The following AGBL1 variants were observed in gnomAD, a reference collection of about 807,000 sequenced individuals.
The protein encoded by AGBL1 is AGBL carboxypeptidase 1, also known as cytosolic carboxypeptidase 4.
AGBL1 carries 130 observed loss-of-function variants against 118.9 expected under a neutral mutation model. The observed-to-expected ratio is 1.09, with a 90% CI of 0.95 to 1.26. The LOEUF is 1.26. Ranked by LOEUF, AGBL1 falls within the 50% of genes most tolerant of loss-of-function variation. AGBL1 has a pLI of 0.00. For synonymous variants in AGBL1, 555 were observed against 478.9 expected, an observed-to-expected ratio of 1.16 and a Z score of -2.08; for missense variants, 1,584 against 1,298.1, an observed-to-expected ratio of 1.22 and a Z score of -3.38.
At chr15:86,215,219 GTA>G (rs202221703) in intron 5 of AGBL1, among the ~76,000 whole-genome samples, 1,121 of 104,640 alleles carry the variant, frequency 0.011, 17 homozygotes, top group African/African-American at 0.036. Context: ...GAGTGTATAT[GTA>G]TGCGTGTGTG....
intron 17 of AGBL1, among the ~76,000 whole-genome samples, chr15:86,387,804 G>A (rs1160902313): frequency 5.3e-5 from 8 of 152,160 alleles, no homozygotes; most frequent in South Asian, 2.1e-4. Flanking sequence ...TCTGTTCCCC[G>A]CTCTGCCAAT....
chr15:86,590,175 T>C (rs1471416885), intron 21 of AGBL1, among the ~76,000 whole-genome samples: 2 of 152,260 alleles, frequency 1.3e-5, no homozygotes, highest in East Asian at 3.9e-4. Context: ...ATAGGTTGTA[T>C]TGGTAAAACA....
intron 13 of AGBL1, among the ~76,000 whole-genome samples, chr15:86,269,691 T>C (rs927330057): frequency 6.6e-6 from 1 of 152,306 alleles, no homozygotes; most frequent in Middle Eastern, 3.4e-3. Flanking sequence ...AAATATGCGC[T>C]ATTGTGTAAT....
At chr15:86,516,100 A>T (rs2142187649) in intron 18 of AGBL1, among the ~76,000 whole-genome samples, 1 of 152,302 alleles carries the variant, frequency 6.6e-6, no homozygotes, top group African/African-American at 2.4e-5. Context: ...GTTCCATGTG[A>T]GAGGAAACTA....
chr15:86,602,047 T>G (rs2084503379), intron 21 of AGBL1, among the ~76,000 whole-genome samples: 3 of 152,104 alleles, frequency 2.0e-5, no homozygotes, highest in Non-Finnish European at 2.9e-5. Context: ...CCCTTCCTTC[T>G]TCTTTCCCTT....
chr15:86,966,511 T>C lies in AGBL1; in HGVS notation c.3222-21476T>C, dbSNP rs150541714. On this transcript the variant is annotated intron_variant, in intron 23 of 24. Transcript: ENST00000441037. Reference sequence around the variant, plus strand: ...CCACCACAGGCCCTAGTGTGTGATGTTCCCCTTCCTGTGTCCAAGTCTTCT... The same window carrying C: ...CCACCACAGGCCCTAGTGTGTGATGCTCCCCTTCCTGTGTCCAAGTCTTCT... 4.0e-3 allele frequency among the ~76,000 whole-genome samples: 607 copies of C among 152,152 alleles called. 3 individuals are homozygous for C. The highest frequency in any genetic ancestry group is 6.0e-3 in the Non-Finnish European group (407 of 67,972).
intron 24 of AGBL1, among the ~76,000 whole-genome samples, chr15:87,011,197 T>C (rs1330415067): frequency 3.3e-5 from 5 of 149,862 alleles, no homozygotes; most frequent in African/African-American, 1.3e-4. Flanking sequence ...GCCAGCTAGA[T>C]GATGTCAGGA....
chr15:86,580,638 C>A (rs947015699), intron 21 of AGBL1, among the ~76,000 whole-genome samples: 1 of 151,934 alleles, frequency 6.6e-6, no homozygotes, highest in Non-Finnish European at 1.5e-5. Flanking sequence ...TACATGTATA[C>A]AATGTATAAT....
At chr15:87,009,320 GC>G (rs34608515) in intron 24 of AGBL1, among the ~76,000 whole-genome samples, 3,023 of 152,294 alleles carry the variant, frequency 0.02, 60 homozygotes, top group Non-Finnish European at 0.028. Context: ...AAAGCCCCAA[GC>G]CTTGGCAGCT....
intron 15 of AGBL1, among the ~76,000 whole-genome samples, chr15:86,274,360 A>T (rs2079210783): frequency 2.6e-5 from 4 of 152,154 alleles, no homozygotes; most frequent in African/African-American, 9.7e-5. Context: ...TATTAAGGGT[A>T]GGGGTAGGCT....
chr15:86,109,404 A>G (rs1897233859), intron 1 of AGBL1, among the ~76,000 whole-genome samples: 2 of 152,180 alleles, frequency 1.3e-5, no homozygotes, highest in African/African-American at 2.4e-5. Flanking sequence ...GTGTTTTAAA[A>G]TTGACTTCCT....
chr15:86,834,275 T>C (rs1596533390), intron 22 of AGBL1, among the ~76,000 whole-genome samples: 1 of 152,198 alleles, frequency 6.6e-6, no homozygotes, highest in South Asian at 2.1e-4. Flanking sequence ...AGGGATAAAG[T>C]TCTGAGTCAC....
chr15:86,427,086 C>A (rs2081876422), intron 18 of AGBL1, among the ~76,000 whole-genome samples: 1 of 151,968 alleles, frequency 6.6e-6, no homozygotes, highest in Non-Finnish European at 1.5e-5. Flanking sequence ...TAATTTGAGT[C>A]AAATGGAGAT....
intron 22 of AGBL1, among the ~76,000 whole-genome samples, chr15:86,869,729 T>C (rs909125329): frequency 1.3e-5 from 2 of 152,288 alleles, no homozygotes; most frequent in South Asian, 4.1e-4. Flanking sequence ...ACCCCAACTA[T>C]TACACATGCT....
At chr15:86,877,142 T>C (rs1232992948) in intron 22 of AGBL1, among the ~76,000 whole-genome samples, 1 of 152,042 alleles carries the variant, frequency 6.6e-6, no homozygotes, top group African/African-American at 2.4e-5. Context: ...TTCAAATGCA[T>C]AAAAGCCCCA....
chr15:86,414,095 T>C (rs1254727872), intron 18 of AGBL1, among the ~76,000 whole-genome samples: 1 of 152,168 alleles, frequency 6.6e-6, no homozygotes, highest in Non-Finnish European at 1.5e-5. Context: ...ATACTGTATG[T>C]TCTCACTTAT....
At chr15:86,377,573 C>A (rs768201199) in intron 17 of AGBL1, among the ~76,000 whole-genome samples, 1 of 152,150 alleles carries the variant, frequency 6.6e-6, no homozygotes, top group East Asian at 1.9e-4. Context: ...CTTATCAGGT[C>A]CCAAAGGCTT....
At chr15:86,153,796 A>AT (rs902290419) in intron 3 of AGBL1, among the ~76,000 whole-genome samples, 49 of 152,254 alleles carry the variant, frequency 3.2e-4, no homozygotes, top group African/African-American at 1.2e-3. Context: ...CAATGTTAAC[A>AT]TTTTGCCGTA....
intron 17 of AGBL1, among the ~76,000 whole-genome samples, chr15:86,301,048 C>T (rs142881316): frequency 1.1e-3 from 166 of 152,256 alleles, no homozygotes; most frequent in African/African-American, 3.9e-3. Context: ...TGGCCTTTGT[C>T]TCTTTCTAAG....
Sources: allele counts gnomAD v4.1 joint callset (sites outside exome capture counted in the v4.1 genomes callset), GRCh38; gene constraint gnomAD v4.1.1; transcripts MANE v1.5; gene names NCBI Gene and HGNC (gene_info 2026-07-23, HGNC 2026-07-21).